ARIH1: variants seen among roughly 807,000 people sequenced by gnomAD.
The protein encoded by ARIH1 is E3 ubiquitin-protein ligase ARIH1.
In ARIH1, 8 loss-of-function variants were observed where a neutral mutation model predicts 85.0. The observed-to-expected ratio is 0.09, with a 90% CI of 0.06 to 0.17. The LOEUF (loss-of-function observed/expected upper bound fraction) is 0.17, where lower values mean the gene tolerates loss of function less well. Ranked by LOEUF, ARIH1 falls within the 10% of genes least tolerant of loss-of-function variation. ARIH1 has a pLI of 1.00. For synonymous variants in ARIH1, 238 were observed against 253.6 expected, an observed-to-expected ratio of 0.94 and a Z score of 0.59; for missense variants, 311 against 718.1, an observed-to-expected ratio of 0.43 and a Z score of 6.48.
intron 1 of ARIH1, among the ~76,000 whole-genome samples, chr15:72,500,694 G>A (rs1322797002): frequency 6.6e-6 from 1 of 152,166 alleles, no homozygotes; most frequent in Non-Finnish European, 1.5e-5. Flanking sequence ...TTCACATTAG[G>A]AAGGTGACAG....
chr15:72,576,149 T>C (rs1439455074), intron 11 of ARIH1, among the ~76,000 whole-genome samples: 1 of 152,064 alleles, frequency 6.6e-6, no homozygotes, highest in Non-Finnish European at 1.5e-5. Context: ...ATGTAGGCTT[T>C]AAAACATGGG....
In ARIH1 at chr15:72,555,837, T is replaced by G; in HGVS notation, c.682-15T>G. 6.2e-7 allele frequency: 1 copy of G among 1,610,524 alleles called. No homozygotes were observed. Among genetic ancestry groups the G allele is most frequent in the African/African-American group, 1.3e-5 (1 of 74,962 alleles). The stretch of plus-strand genomic sequence containing the variant: ...TTTGTTGAATGAAGACAGTTTAAAT[T>G]TCAATCTTTTTCAGACTATTTCGTG... On this transcript the variant is annotated splice_polypyrimidine_tract_variant and intron_variant, in intron 4 of 13. Transcript: ENST00000379887.
chr15:72,499,040 G>A (rs2063892101), intron 1 of ARIH1, among the ~76,000 whole-genome samples: 1 of 127,956 alleles, frequency 7.8e-6, no homozygotes, highest in African/African-American at 3.2e-5. Context: ...GAGTGCAGTA[G>A]TGTGATCTCG....
At position 72,570,284 on chromosome 15, in the gene ARIH1, A is replaced by C. The variant is rs766233287; in HGVS notation, c.1134A>C (p.Pro378=). Residue 378 remains proline (P), a synonymous_variant, in exon 10 of 14, where the codon CCA becomes CCC. Transcript: ENST00000379887. ...AGTTTTGCTGGGTGTGTCTTGGCCC[A>C]TGGGAACCACATGGATCTGCCTGGT... The part of the protein sequence containing the change: ...KAEFCWVCLG[P]WEPHGSAWYN... The C allele has an allele frequency of 1.1e-5, 18 of 1,614,020 alleles. No individual in the cohort carries two copies. The highest frequency in any genetic ancestry group is 1.7e-4 in the Middle Eastern group (1 of 6,060).
chr15:72,502,089 A>C (rs2063906367), intron 1 of ARIH1, among the ~76,000 whole-genome samples: 1 of 152,092 alleles, frequency 6.6e-6, no homozygotes, highest in Non-Finnish European at 1.5e-5. Context: ...ATTGAAGGAT[A>C]CCTTACCTAT....
At chr15:72,509,900 T>G (rs934598891) in intron 1 of ARIH1, among the ~76,000 whole-genome samples, 4 of 139,088 alleles carry the variant, frequency 2.9e-5, no homozygotes, top group Admixed American at 2.1e-4. Flanking sequence ...CAGCCCCACC[T>G]TTTTTTTTTT....
At chr15:72,551,554 G>A (rs1001793812) in intron 3 of ARIH1, among the ~76,000 whole-genome samples, 1 of 152,178 alleles carries the variant, frequency 6.6e-6, no homozygotes, top group Non-Finnish European at 1.5e-5. Flanking sequence ...TTTGATACAT[G>A]GTGTTAGAGC....
At chr15:72,561,067 A>G (rs2064195542) in intron 5 of ARIH1, among the ~76,000 whole-genome samples, 1 of 152,122 alleles carries the variant, frequency 6.6e-6, no homozygotes, top group Admixed American at 6.6e-5. Flanking sequence ...CATTTCTGGC[A>G]ACAATATCTG....
chr15:72,504,378 A>G (rs2063916180), intron 1 of ARIH1, among the ~76,000 whole-genome samples: 1 of 152,214 alleles, frequency 6.6e-6, no homozygotes. Context: ...GGGTACCTGC[A>G]CTTGGTGGGT....
At chr15:72,509,767 A>G (rs1595856668) in intron 1 of ARIH1, among the ~76,000 whole-genome samples, 1 of 152,000 alleles carries the variant, frequency 6.6e-6, no homozygotes, top group Middle Eastern at 3.4e-3. Context: ...AATTTTTTAA[A>G]AATTTTTAGT....
At chr15:72,493,447 A>G (rs1240162642) in intron 1 of ARIH1, among the ~76,000 whole-genome samples, 3 of 152,196 alleles carry the variant, frequency 2.0e-5, no homozygotes, top group South Asian at 2.1e-4. Flanking sequence ...ACCCTGCTCA[A>G]TTAAATAAAT....
At chr15:72,519,859 C>G (rs574600344) in intron 2 of ARIH1, among the ~76,000 whole-genome samples, 1 of 152,154 alleles carries the variant, frequency 6.6e-6, no homozygotes, top group Non-Finnish European at 1.5e-5. Flanking sequence ...TATTTGATGA[C>G]ACCTCTACTA....
At chr15:72,495,917 A>AT (rs1429929319) in intron 1 of ARIH1, among the ~76,000 whole-genome samples, 1 of 152,008 alleles carries the variant, frequency 6.6e-6, no homozygotes, top group Admixed American at 6.6e-5. Flanking sequence ...ATATCTTACA[A>AT]TTTTTTTCCT....
chr15:72,507,768 A>G (rs941664364), intron 1 of ARIH1, among the ~76,000 whole-genome samples: 8 of 152,246 alleles, frequency 5.3e-5, no homozygotes, highest in African/African-American at 1.7e-4. Flanking sequence ...GGTGCAATTG[A>G]TGTTAAAGCT....
intron 1 of ARIH1, 89 bp downstream of exon 1, chr15:72,475,103 C>T: frequency 6.6e-7 from 1 of 1,513,460 alleles, no homozygotes; most frequent in Non-Finnish European, 8.9e-7. Context: ...AGGCCTGGGC[C>T]TGGTGCGCAG....
rs1428570015 is a variant in ARIH1 at position 72,555,926 on chromosome 15, T to C, written c.737+19T>C. ...CAGTTATGTAAGTATTTTTGATAGA[T>C]TCTGCATGTGAATATTGGTTAGTTG... On this transcript the variant is annotated intron_variant, in intron 5 of 13. Coordinates refer to ENST00000379887, the MANE Select transcript of ARIH1 (RefSeq NM_005744.5). 3.1e-6 allele frequency: 5 copies of C among 1,602,990 alleles called. No individual in the cohort carries two copies. The highest frequency in any genetic ancestry group is 4.3e-6 in the Non-Finnish European group (5 of 1,170,968).
intron 2 of ARIH1, among the ~76,000 whole-genome samples, chr15:72,536,604 G>T (rs570613993): frequency 1.3e-5 from 2 of 152,248 alleles, no homozygotes; most frequent in South Asian, 4.1e-4. Flanking sequence ...AATGGGTATT[G>T]GATCCCTTTG....
At chr15:72,563,216 A>G (rs982753525) in intron 6 of ARIH1, among the ~76,000 whole-genome samples, 178 bp from the exon 7 acceptor site, 1 of 151,944 alleles carries the variant, frequency 6.6e-6, no homozygotes, top group Non-Finnish European at 1.5e-5. Context: ...ATGCCTGGCT[A>G]AATTCTTTTT....
At chr15:72,510,944 A>G (rs969369032) in intron 1 of ARIH1, among the ~76,000 whole-genome samples, 3 of 151,848 alleles carry the variant, frequency 2.0e-5, no homozygotes, top group African/African-American at 7.3e-5. Context: ...AAATTTTTCA[A>G]AATTTGGCCA....
Sources: allele counts gnomAD v4.1 joint callset (sites outside exome capture counted in the v4.1 genomes callset), GRCh38; gene constraint gnomAD v4.1.1; transcripts MANE v1.5; gene names NCBI Gene and HGNC (gene_info 2026-07-23, HGNC 2026-07-21).